RAD51B: variants seen among roughly 807,000 people sequenced by gnomAD.
RAD51B encodes the protein RAD51 paralog B.
A neutral mutation model predicts 42.2 loss-of-function variants in RAD51B; 38 were observed. The observed-to-expected ratio is 0.90, with a 90% CI of 0.70 to 1.18. The LOEUF (loss-of-function observed/expected upper bound fraction) is 1.18, where lower values mean the gene tolerates loss of function less well. Ranked by LOEUF, RAD51B falls within the 50% of genes most tolerant of loss-of-function variation. RAD51B has a pLI of 0.00. For missense variants in RAD51B, 373 were observed against 400.7 expected (o/e 0.93, Z 0.59); for synonymous variants, 154 against 145.2 (o/e 1.06, Z -0.43).
chr14:68,027,559 G>C (rs1311822009), intron 7 of RAD51B, among the ~76,000 whole-genome samples: 1 of 151,950 alleles, frequency 6.6e-6, no homozygotes, highest in Non-Finnish European at 1.5e-5. Flanking sequence ...CTTGGTGTCT[G>C]ACTGAGTTGA....
chr14:68,306,606 G>A (rs966914362), intron 8 of RAD51B: 2 of 514,820 alleles, frequency 3.9e-6, no homozygotes, highest in Non-Finnish European at 7.8e-6. Flanking sequence ...ACCACAGTGA[G>A]CATGGAAGAA....
chr14:68,036,194 A>G (rs1386081209), intron 7 of RAD51B, among the ~76,000 whole-genome samples: 1 of 152,222 alleles, frequency 6.6e-6, no homozygotes, highest in African/African-American at 2.4e-5. Flanking sequence ...AGAGCAAAGT[A>G]GAGGTTATGT....
intron 10 of RAD51B, among the ~76,000 whole-genome samples, chr14:68,513,052 C>G (rs910542683): frequency 2.0e-5 from 3 of 152,134 alleles, no homozygotes; most frequent in African/African-American, 7.2e-5. Context: ...AAGGGGACAA[C>G]TGTGATACAT....
intron 10 of RAD51B, among the ~76,000 whole-genome samples, chr14:68,486,473 G>C (rs1420278241): frequency 3.3e-5 from 5 of 152,206 alleles, no homozygotes; most frequent in Non-Finnish European, 7.3e-5. Context: ...CTAACAGCTT[G>C]AAAGTTGATA....
intron 7 of RAD51B, among the ~76,000 whole-genome samples, chr14:67,925,363 C>T (rs1403770293): frequency 2.6e-5 from 4 of 151,442 alleles, no homozygotes; most frequent in African/African-American, 9.7e-5. Context: ...CCCTCTGCCT[C>T]CTGAGTTCAA....
chr14:68,331,367 C>CA (rs778136542), intron 8 of RAD51B, among the ~76,000 whole-genome samples: 1,659 of 32,874 alleles, frequency 0.05, 238 homozygotes, highest in African/African-American at 0.064. Context: ...GACTCTGTCT[C>CA]AAAAAAAAAA....
intron 7 of RAD51B, among the ~76,000 whole-genome samples, chr14:67,975,679 T>C (rs2074979394): frequency 6.6e-6 from 1 of 152,198 alleles, no homozygotes; most frequent in African/African-American, 2.4e-5. Context: ...CAGAAACAGC[T>C]GGATTGGTTA....
At chr14:68,327,377 TTG>T (rs1491339700) in intron 8 of RAD51B, among the ~76,000 whole-genome samples, 58 of 77,704 alleles carry the variant, frequency 7.5e-4, no homozygotes, top group African/African-American at 1.1e-3. Context: ...TTGTTTTTTT[TTG>T]TTGTTTTTTT....
intron 7 of RAD51B, among the ~76,000 whole-genome samples, chr14:68,185,990 G>A (rs147381683): frequency 4.6e-5 from 7 of 152,296 alleles, no homozygotes; most frequent in Non-Finnish European, 8.8e-5. Flanking sequence ...AAGCAAAACA[G>A]CATGGTACTG....
chr14:67,999,230 G>A (rs192300214), intron 7 of RAD51B, among the ~76,000 whole-genome samples: 2 of 152,068 alleles, frequency 1.3e-5, no homozygotes, highest in Admixed American at 6.5e-5. Flanking sequence ...GACAGATCTG[G>A]TACTAGTTAT....
chr14:67,988,480 A>G (rs1007674916), intron 7 of RAD51B, among the ~76,000 whole-genome samples: 1 of 152,092 alleles, frequency 6.6e-6, no homozygotes, highest in Non-Finnish European at 1.5e-5. Flanking sequence ...AAATAAAGAA[A>G]TAAATAAATA....
chr14:68,668,736 A>G lies in RAD51B; in HGVS notation c.*11+17880A>G, dbSNP rs758131647. Among the ~76,000 whole-genome samples, 64 of 152,176 alleles carry G rather than the reference A, an allele frequency of 4.2e-4. 1 individual carries two copies. The highest frequency in any genetic ancestry group is 1.5e-3 in the African/African-American group (64 of 41,446). On this transcript the variant is annotated intron_variant, in intron 11 of 11. Transcript: ENST00000488612. ...TGGCGGGCTGTTCTCCTGCACCCCC[A>G]GGCACGCTGATCCGTGACATCTCTC...
intron 7 of RAD51B, among the ~76,000 whole-genome samples, chr14:68,023,420 C>T (rs1397369421): frequency 2.0e-5 from 3 of 152,278 alleles, no homozygotes; most frequent in African/African-American, 7.2e-5. Context: ...CTCCGCCTCC[C>T]AGGTTCAAGC....
At chr14:68,170,160 A>G (rs572505215) in intron 7 of RAD51B, among the ~76,000 whole-genome samples, 1 of 152,180 alleles carries the variant, frequency 6.6e-6, no homozygotes, top group South Asian at 2.1e-4. Context: ...GAGGGAACCT[A>G]CTCTACTTGA....
Position 68,094,579 on chromosome 14 carries a change from T to C in RAD51B, c.757-197305T>C, listed in dbSNP as rs145098323. On this transcript the variant is annotated intron_variant, in intron 7 of 10. Transcript: ENST00000471583. ...CAAAGACAGATGCCAGACAATTAAG[T>C]TTTTGCTTATGAAGGTTTAGGAGGA... is the stretch of plus-strand genomic sequence containing the variant. Among the ~76,000 whole-genome samples the C allele has an allele frequency of 6.6e-5, 10 of 152,190 alleles. No homozygotes were observed. In the East Asian group the frequency reaches 1.9e-3, roughly 29 times the overall value.
chr14:68,367,754 A>G (rs1302608324), intron 8 of RAD51B, among the ~76,000 whole-genome samples: 1 of 152,234 alleles, frequency 6.6e-6, no homozygotes, highest in Non-Finnish European at 1.5e-5. Flanking sequence ...TAACACTGTT[A>G]TTCGTCTTTT....
chr14:68,396,335 G>A (rs535889486), intron 8 of RAD51B, among the ~76,000 whole-genome samples: 1 of 152,146 alleles, frequency 6.6e-6, no homozygotes, highest in Non-Finnish European at 1.5e-5. Context: ...TGAAAACATG[G>A]GCTAACGGGT....
At chr14:68,500,574 G>C (rs375881423) in intron 10 of RAD51B, among the ~76,000 whole-genome samples, 4 of 152,230 alleles carry the variant, frequency 2.6e-5, no homozygotes, top group African/African-American at 9.6e-5. Context: ...AGTGAGGGTT[G>C]GAGTGATGGG....
intron 4 of RAD51B, among the ~76,000 whole-genome samples, chr14:67,860,733 A>T (rs1161205879): frequency 6.6e-6 from 1 of 152,156 alleles, no homozygotes; most frequent in African/African-American, 2.4e-5. Flanking sequence ...TACAGTAAAA[A>T]TTTTAAATGC....
Sources: gnomAD v4.1 joint callset for allele counts (sites outside exome capture counted in the v4.1 genomes callset) on GRCh38, gnomAD v4.1.1 for gene constraint, MANE v1.5 for transcripts, NCBI Gene and HGNC (gene_info 2026-07-23, HGNC 2026-07-21) for gene names.